Variants in ZXDC observed in about 807,000 individuals in gnomAD.
ZXDC encodes the protein zinc finger protein ZXDC.
A neutral mutation model predicts 63.6 loss-of-function variants in ZXDC; 58 were observed. The ratio of observed to expected loss-of-function variants is 0.91; its 90% confidence interval spans 0.74 to 1.13. The LOEUF is 1.13. Among genes scored for constraint, ZXDC ranks in the 50% most tolerant of loss-of-function variants. ZXDC has a pLI of 0.00. For missense variants in ZXDC, 1,133 were observed against 1,148.9 expected, an observed-to-expected ratio of 0.99 and a Z score of 0.20; for synonymous variants, 561 against 496.1, an observed-to-expected ratio of 1.13 and a Z score of -1.74.
At chr3:126,466,524 AT>A (rs1934773851) in intron 4 of ZXDC, among the ~76,000 whole-genome samples, 199 bp from the exon 5 acceptor site, 1 of 152,202 alleles carries the variant, frequency 6.6e-6, no homozygotes, top group African/African-American at 2.4e-5. Flanking sequence ...AAAGCAAGAG[AT>A]ACAGTGAAAC....
chr3:126,452,218 G>A (rs977653779), intron 7 of ZXDC: 79 of 985,292 alleles, frequency 8.0e-5, no homozygotes, highest in Non-Finnish European at 9.5e-5. Context: ...TGAAGTCTTA[G>A]CTACAGTGCA....
In ZXDC at chr3:126,459,743, A is replaced by G; in HGVS notation, c.2128-6T>C. 1.2e-6 allele frequency: 2 copies of G among 1,614,128 alleles called. No homozygotes were observed. The highest frequency in any genetic ancestry group is 1.7e-6 in the Non-Finnish European group (2 of 1,180,024). ...CTTGCTGAGCCCCCACTTTCCTGAG[A>G]CCAAAGAAAAGCATGTCAGTCACTT... On this transcript the variant is annotated splice_polypyrimidine_tract_variant and splice_region_variant and intron_variant, in intron 6 of 9. Transcript: ENST00000389709.
chr3:126,466,771 C>T (rs1021262607), intron 4 of ZXDC, among the ~76,000 whole-genome samples: 4 of 152,192 alleles, frequency 2.6e-5, no homozygotes, highest in African/African-American at 4.8e-5. Flanking sequence ...CAAAGCCAGT[C>T]CTTTCACTTT....
At chr3:126,439,037 G>A (rs1368124259) in intron 9 of ZXDC, among the ~76,000 whole-genome samples, 3 of 152,192 alleles carry the variant, frequency 2.0e-5, no homozygotes, top group Non-Finnish European at 4.4e-5. Context: ...CCGCCCTCCA[G>A]CTCACCCCTC....
Position 126,447,718 on chromosome 3 carries a change from A to G in ZXDC, c.2213-5772T>C, listed in dbSNP as rs1052989739. Among the ~76,000 whole-genome samples the G allele has an allele frequency of 1.1e-4, 17 of 152,204 alleles. 1 individual carries two copies. Among genetic ancestry groups the G allele is most frequent in the Non-Finnish European group, 7.3e-5 (5 of 68,040 alleles). On this transcript the variant is annotated intron_variant, in intron 7 of 9. Transcript: ENST00000389709. ...TTGATTCATATTTGTGATGTTTTCA[A>G]ATCAGTAGCAGGTGATGAATGTCAT...
intron 7 of ZXDC, chr3:126,451,837 C>T (rs1053907314): frequency 2.0e-6 from 2 of 985,176 alleles, no homozygotes; most frequent in African/African-American, 3.5e-5. Flanking sequence ...AACCTTGGGG[C>T]CTCAGTGGCA....
rs1384853104 is a variant in ZXDC, at chr3:126,438,443, C to T, written c.2509G>A (p.Gly837Arg). Residue 837 changes from glycine (G) to arginine (R), a missense_variant, in exon 10 of 10, where the codon GGA becomes AGA. By Grantham distance (125) the Gly-to-Arg change is moderately radical (BLOSUM62 -2). Transcript: ENST00000389709. ...GTGGCCTCCGGTCCAGCAGGGCCTCCAGATGAGGGGAGCACCTCCTGCAAA... is the reference window on the plus strand; with the variant it reads ...GTGGCCTCCGGTCCAGCAGGGCCTCTAGATGAGGGGAGCACCTCCTGCAAA... ...YVLQEVLPSSGGPAGPEATQF... is the reference protein window; with the variant it reads ...YVLQEVLPSSRGPAGPEATQF... 6.2e-7 allele frequency: 1 copy of T among 1,613,804 alleles called. No homozygotes were observed. Among genetic ancestry groups the T allele is most frequent in the South Asian group, 1.1e-5 (1 of 91,020 alleles).
At position 126,466,287 on chromosome 3, in the gene ZXDC, T is replaced by C; in HGVS notation, c.1309A>G (p.Ile437Val). The change falls in exon 5 of 10, where the codon ATT (isoleucine) becomes GTT (valine). Residue 437 changes from isoleucine to valine, a missense_variant. By Grantham distance (29) the Ile-to-Val change is conservative (BLOSUM62 3). Coordinates refer to ENST00000389709, the MANE Select transcript of ZXDC (RefSeq NM_025112.5). ...ARFSARSSLY[I>V]HSKKHVQDVG... ...TCCTGCACGTGTTTCTTAGAGTGAATGTACAGACTGCTACGAGCGGAGAAC... is the reference window on the plus strand; with the variant it reads ...TCCTGCACGTGTTTCTTAGAGTGAACGTACAGACTGCTACGAGCGGAGAAC... 1 of 1,614,154 alleles carries C rather than the reference T, an allele frequency of 6.2e-7. No individual in the cohort carries two copies. Among genetic ancestry groups the C allele is most frequent in the Non-Finnish European group, 8.5e-7 (1 of 1,180,022 alleles).
At chr3:126,441,680 G>A in intron 8 of ZXDC, 85 bp downstream of exon 8, 1 of 1,453,770 alleles carries the variant, frequency 6.9e-7, no homozygotes, top group Non-Finnish European at 9.0e-7. Context: ...GATGGGCAGG[G>A]GATGCAGCAT....
intron 7 of ZXDC, among the ~76,000 whole-genome samples, chr3:126,456,386 A>T (rs542949548): frequency 4.6e-5 from 7 of 152,346 alleles, no homozygotes; most frequent in Admixed American, 1.3e-4. Flanking sequence ...GCGCCAGCTC[A>T]GCCTCTGGAG....
chr3:126,458,853 C>T (rs892711323), intron 7 of ZXDC: 12 of 985,306 alleles, frequency 1.2e-5, no homozygotes, highest in Non-Finnish European at 6.0e-6. Flanking sequence ...AGTCACAATT[C>T]ACACTGATGC....
intron 7 of ZXDC, chr3:126,452,021 T>C: frequency 1.0e-6 from 1 of 985,360 alleles, no homozygotes; most frequent in Non-Finnish European, 1.2e-6. Context: ...TTATTCTGTA[T>C]GGAATTCTAA....
chr3:126,473,529 C>T (rs1413734345), intron 1 of ZXDC, among the ~76,000 whole-genome samples: 1 of 152,188 alleles, frequency 6.6e-6, no homozygotes, highest in Non-Finnish European at 1.5e-5. Context: ...CCTGACCTTC[C>T]CAGTGTCATA....
chr3:126,467,793 G>A (rs1488320727), intron 4 of ZXDC, among the ~76,000 whole-genome samples: 1 of 152,034 alleles, frequency 6.6e-6, no homozygotes, highest in African/African-American at 2.4e-5. Flanking sequence ...CCAGCTGGGG[G>A]TCCTGAGCAC....
chr3:126,463,025 A>G (rs557384179), intron 5 of ZXDC, among the ~76,000 whole-genome samples: 2 of 151,692 alleles, frequency 1.3e-5, no homozygotes, highest in East Asian at 3.9e-4. Context: ...CTGTCCCCTC[A>G]GCCCCCAGCA....
chr3:126,451,926 G>A, intron 7 of ZXDC: 1 of 985,384 alleles, frequency 1.0e-6, no homozygotes. Context: ...TGCATGTGAA[G>A]GACACACGAC....
intron 7 of ZXDC, chr3:126,443,199 G>A (rs898879915): frequency 2.0e-5 from 3 of 152,230 alleles, no homozygotes; most frequent in Admixed American, 6.5e-5. Context: ...CCTCACTGCA[G>A]GGAGATGCAC....
chr3:126,473,757 A>T (rs1463173878), intron 1 of ZXDC, among the ~76,000 whole-genome samples: 1 of 152,232 alleles, frequency 6.6e-6, no homozygotes, highest in East Asian at 1.9e-4. Flanking sequence ...TAAGGACATT[A>T]TAAGGAGAGC....
At position 126,461,976 on chromosome 3, in the gene ZXDC, C is replaced by T. The variant is rs966939912; in HGVS notation, c.1686G>A (p.Pro562=). 8.7e-6 allele frequency: 14 copies of T among 1,613,958 alleles called. No homozygotes were observed. Among genetic ancestry groups the T allele is most frequent in the African/African-American group, 6.7e-5 (5 of 74,874 alleles). The stretch of plus-strand genomic sequence containing the variant: ...GGGCCACCAGGACCAGGGGTTCCAT[C>T]GGCCCTAGGGAGCTATTATTAGCAG... ...NLPANNSSLG[P]MEPLVLVAHS... is the part of the protein sequence containing the mutation. Residue 562 remains proline (P), a synonymous_variant, in exon 6 of 10, where the codon CCG becomes CCA. Coordinates refer to ENST00000389709, the MANE Select transcript of ZXDC (RefSeq NM_025112.5).
Sources: gnomAD v4.1 joint callset for allele counts (sites outside exome capture counted in the v4.1 genomes callset) on GRCh38, gnomAD v4.1.1 for gene constraint, MANE v1.5 for transcripts, NCBI Gene and HGNC (gene_info 2026-07-23, HGNC 2026-07-21) for gene names.